EPS15L1: variants seen among roughly 807,000 people sequenced by gnomAD.
EPS15L1 encodes the protein epidermal growth factor receptor pathway substrate 15 like 1.
Under a neutral mutation model 117.1 loss-of-function variants are expected in EPS15L1, and 43 were observed. That is an observed-to-expected ratio of 0.37 (90% CI 0.29 to 0.47). The LOEUF (loss-of-function observed/expected upper bound fraction) is 0.47, where lower values mean the gene tolerates loss of function less well. EPS15L1 is among the 20% of genes least tolerant of loss of function. EPS15L1 has a pLI of 0.99. For missense variants in EPS15L1, 981 were observed against 1,164.0 expected (o/e 0.84, Z 2.29); for synonymous variants, 459 against 470.5 (o/e 0.98, Z 0.32).
Position 16,442,187 on chromosome 19 carries a change from A to G in EPS15L1, c.66T>C (p.Tyr22=), listed in dbSNP as rs748896208. Residue 22 remains tyrosine (Y), a synonymous_variant, in exon 2 of 24, where the codon TAT becomes TAC. Coordinates refer to ENST00000455140, the MANE Select transcript of EPS15L1 (RefSeq NM_001258374.3). ...IPTGNSLYES[Y]YKQVDPAYTG... is the part of the protein sequence containing the mutation. ...CATCAGCTAAACTTACCTGCTTGTA[A>G]TAAGATTCATACAACGAATTTCCAG... The G allele has an allele frequency of 1.1e-4, 181 of 1,613,474 alleles. No individual in the cohort carries two copies. Among genetic ancestry groups the G allele is most frequent in the Middle Eastern group, 3.3e-4 (2 of 6,084 alleles).
chr19:16,444,916 G>A (rs556310771), intron 1 of EPS15L1, among the ~76,000 whole-genome samples: 3 of 152,026 alleles, frequency 2.0e-5, no homozygotes, highest in Non-Finnish European at 4.4e-5. Context: ...CAGTAGAAGC[G>A]AGGTTTCACC....
intron 16 of EPS15L1, 33 bp downstream of exon 16, chr19:16,402,288 C>G: frequency 6.4e-7 from 1 of 1,570,694 alleles, no homozygotes; most frequent in South Asian, 1.2e-5. Context: ...GGGACCAGAG[C>G]CCCATACTGT....
At chr19:16,432,814 T>TTA (rs1443400104) in intron 7 of EPS15L1, among the ~76,000 whole-genome samples, 2 of 152,012 alleles carry the variant, frequency 1.3e-5, no homozygotes, top group Non-Finnish European at 2.9e-5. Flanking sequence ...ATTATTATTA[T>TTA]TTTTTTAAAC....
chr19:16,407,518 G>C (rs2092668395), intron 13 of EPS15L1, among the ~76,000 whole-genome samples: 1 of 151,988 alleles, frequency 6.6e-6, no homozygotes, highest in South Asian at 2.1e-4. Flanking sequence ...TATAGACTGG[G>C]TTTCACCATG....
chr19:16,423,216 C>T (rs141651066), intron 9 of EPS15L1, among the ~76,000 whole-genome samples: 218 of 152,170 alleles, frequency 1.4e-3, no homozygotes, highest in Middle Eastern at 6.8e-3. Context: ...AGGGGTTTCA[C>T]GTAGCAAGTA....
intron 4 of EPS15L1, 76 bp from the exon 5 acceptor site, chr19:16,437,941 G>T (rs1353935958): frequency 9.8e-6 from 11 of 1,128,098 alleles, no homozygotes; most frequent in Middle Eastern, 2.0e-4. Flanking sequence ...CTAACAGCAG[G>T]CTTCAGGGAA....
intron 18 of EPS15L1, among the ~76,000 whole-genome samples, chr19:16,393,230 G>C (rs1314572516): frequency 2.0e-5 from 3 of 151,868 alleles, no homozygotes; most frequent in South Asian, 2.1e-4. Context: ...TCTCCTTTTG[G>C]GGGGATGAGA....
In EPS15L1 at chr19:16,400,842, G is replaced by A. The variant is rs1028585854; in HGVS notation, c.1791+1479C>T. ...GGGAATCACTGGCCACTTGCAAACT[G>A]CCACTTCACTGCCAACTTTTATCCA... On this transcript the variant is annotated intron_variant, in intron 16 of 23. Transcript: ENST00000455140. 3.8e-5 allele frequency: 37 copies of A among 985,232 alleles called. No individual in the cohort carries two copies. In the African/African-American group the frequency reaches 6.1e-4, roughly 16 times the overall value. The allele number at this position is 985,232 out of a possible 1,614,324, so 61.0% of individuals were successfully genotyped here.
intron 19 of EPS15L1, among the ~76,000 whole-genome samples, chr19:16,387,383 G>A (rs1358454411): frequency 6.6e-6 from 1 of 152,180 alleles, no homozygotes; most frequent in Non-Finnish European, 1.5e-5. Flanking sequence ...AAGGCAAGTG[G>A]ATCACCTGAG....
chr19:16,431,981 G>A (rs997324958), intron 7 of EPS15L1, among the ~76,000 whole-genome samples: 2 of 152,296 alleles, frequency 1.3e-5, no homozygotes, highest in East Asian at 1.9e-4. Context: ...CGTGAAACCC[G>A]AATATACAGA....
chr19:16,464,954 CT>C (rs1262915424), intron 1 of EPS15L1, among the ~76,000 whole-genome samples: 3 of 152,040 alleles, frequency 2.0e-5, no homozygotes, highest in Non-Finnish European at 4.4e-5. Context: ...TGGCGGGTGC[CT>C]GTAGTCCCAG....
At position 16,421,438 on chromosome 19, in the gene EPS15L1, C is replaced by T; in HGVS notation, c.831G>A (p.Met277Ile). The T allele has an allele frequency of 1.2e-6, 2 of 1,613,984 alleles. No homozygotes were observed. The highest frequency in any genetic ancestry group is 1.7e-6 in the Non-Finnish European group (2 of 1,179,796). The stretch of plus-strand genomic sequence containing the variant: ...TCTTCAGGAATATCTCATCAAATCG[C>T]ATCTTGTCTGCCACGGGCACCACCC... ...VNWVVPVADK[M>I]RFDEIFLKTD... is the part of the protein sequence containing the mutation. The change falls in exon 10 of 24, where the codon ATG (methionine) becomes ATA (isoleucine). Residue 277 changes from methionine (M) to isoleucine (I), a missense_variant. This residue lies in a region of EPS15L1 where 819 missense variants were observed against 949.0 expected (regional missense o/e 0.86). Transcript: ENST00000455140.
At chr19:16,467,001 A>G (rs1163612096) in intron 1 of EPS15L1, among the ~76,000 whole-genome samples, 1 of 152,112 alleles carries the variant, frequency 6.6e-6, no homozygotes, top group African/African-American at 2.4e-5. Context: ...AGTCCACAGT[A>G]CCATTCTGCA....
At chr19:16,380,730 ACT>A (rs1227361544) in intron 21 of EPS15L1, among the ~76,000 whole-genome samples, 1 of 152,006 alleles carries the variant, frequency 6.6e-6, no homozygotes, top group Non-Finnish European at 1.5e-5. Flanking sequence ...CACAGATGCG[ACT>A]CTCTAGGTCT....
At chr19:16,412,105 T>A (rs1436640260) in intron 13 of EPS15L1, among the ~76,000 whole-genome samples, 1 of 152,190 alleles carries the variant, frequency 6.6e-6, no homozygotes, top group Non-Finnish European at 1.5e-5. Context: ...GATTATTTTT[T>A]ATTTTTTTAT....
In EPS15L1 at chr19:16,383,886, C is replaced by T. The variant is rs2092390743; in HGVS notation, c.2247+1243G>A. On this transcript the variant is annotated intron_variant, in intron 21 of 23. Transcript: ENST00000455140. This position sits in a 1 kb window ranked among gnomAD's most constrained non-coding sequence, Gnocchi z 5.2. ...CACACTGGCACCTGGGGCACCTGGGCATGGGGCCGGTGGGGCCCCGAGGGG... is the reference window on the plus strand; with the variant it reads ...CACACTGGCACCTGGGGCACCTGGGTATGGGGCCGGTGGGGCCCCGAGGGG... 1 of 152,358 alleles carries T rather than the reference C, an allele frequency of 6.6e-6. No individual in the cohort carries two copies. Among genetic ancestry groups the T allele is most frequent in the Non-Finnish European group, 1.5e-5 (1 of 68,130 alleles). 9.4% of individuals were successfully genotyped at this position (152,358 alleles called of 1,614,324 possible).
At chr19:16,415,851 G>A (rs1422117224) in intron 12 of EPS15L1, among the ~76,000 whole-genome samples, 5 of 152,206 alleles carry the variant, frequency 3.3e-5, no homozygotes, top group Admixed American at 6.5e-5. Flanking sequence ...TGGCCTGCCC[G>A]GTCCTGATTC....
At chr19:16,375,404 G>A (rs531480118) in intron 22 of EPS15L1, among the ~76,000 whole-genome samples, 65 of 152,034 alleles carry the variant, frequency 4.3e-4, no homozygotes, top group East Asian at 1.7e-3. Flanking sequence ...ATACATGGCC[G>A]CACGTGGGAA....
chr19:16,446,124 CCTT>C (rs2093081035), intron 1 of EPS15L1, among the ~76,000 whole-genome samples: 1 of 152,206 alleles, frequency 6.6e-6, no homozygotes, highest in African/African-American at 2.4e-5. Context: ...AAGTTCACAT[CCTT>C]CTGCTCTGAA....
Sources: gnomAD v4.1 joint callset for allele counts (sites outside exome capture counted in the v4.1 genomes callset) on GRCh38, gnomAD v4.1.1 for gene constraint, gnomAD v4.1.1 regional missense constraint, Gnocchi (gnomAD v3.1) non-coding constraint, MANE v1.5 for transcripts, NCBI Gene and HGNC (gene_info 2026-07-23, HGNC 2026-07-21) for gene names.